STAB2: variants seen among roughly 807,000 people sequenced by gnomAD.
The protein encoded by STAB2 is stabilin 2, also known as stabilin-2.
Under a neutral mutation model 338.1 loss-of-function variants are expected in STAB2, and 288 were observed. The ratio of observed to expected loss-of-function variants is 0.85; its 90% confidence interval spans 0.77 to 0.94. STAB2 has a LOEUF of 0.94. Among genes scored for constraint, STAB2 ranks in the 40% least tolerant of loss-of-function variants. STAB2 has a pLI of 0.00. For missense variants in STAB2, 3,141 were observed against 3,210.1 expected, an observed-to-expected ratio of 0.98 and a Z score of 0.52; for synonymous variants, 1,202 against 1,193.3, an observed-to-expected ratio of 1.01 and a Z score of -0.15.
Position 103,590,983 on chromosome 12 carries a change from T to C in STAB2, c.168T>C (p.Asp56=), listed in dbSNP as rs1381317602. 3 of 1,614,142 alleles carry C rather than the reference T, an allele frequency of 1.9e-6. No homozygotes were observed. Among genetic ancestry groups the C allele is most frequent in the East Asian group, 2.2e-5 (1 of 44,874 alleles). The change falls in exon 2 of 69, where the codon GAT becomes GAC. Residue 56 remains aspartate (D), a synonymous_variant. Coordinates refer to ENST00000388887, the MANE Select transcript of STAB2 (RefSeq NM_017564.10). ...TCAACCTTGGAGTCAAGTGCCCGGA[T>C]GGTTACACCATGATTACCAGTGGCT... is the stretch of plus-strand genomic sequence containing the variant. ...CALNLGVKCP[D]GYTMITSGSV... is the part of the protein sequence containing the mutation.
Position 103,724,991 on chromosome 12 carries a change from G to T in STAB2, c.4700G>T (p.Ser1567Ile), listed in dbSNP as rs1487935915. ...TTTTACCAGAAAAATGGCGGCTGTAGTGAATTTGCCATCTGCAACCACACT... is the reference window on the plus strand; with the variant it reads ...TTTTACCAGAAAAATGGCGGCTGTATTGAATTTGCCATCTGCAACCACACT... ...NVCLTKNGGCSEFAICNHTGQ... is the reference protein window; with the variant it reads ...NVCLTKNGGCIEFAICNHTGQ... Residue 1567 changes from serine (S) to isoleucine (I), a missense_variant, in exon 45 of 69, where the codon AGT becomes ATT. Physicochemically the swap from Ser to Ile is moderately radical, Grantham distance 142 (BLOSUM62 -2). Transcript: ENST00000388887. 6.2e-7 allele frequency: 1 copy of T among 1,613,946 alleles called. No homozygotes were observed. Among genetic ancestry groups the T allele is most frequent in the Non-Finnish European group, 8.5e-7 (1 of 1,179,812 alleles).
intron 50 of STAB2, among the ~76,000 whole-genome samples, chr12:103,732,357 A>G (rs17034436): frequency 6.6e-6 from 1 of 151,998 alleles, no homozygotes; most frequent in Non-Finnish European, 1.5e-5. Flanking sequence ...GTTCCCATGA[A>G]TTGAGTAGAA....
chr12:103,684,966 T>C (rs368134230), intron 26 of STAB2, 23 bp from the exon 27 acceptor site: 6 of 1,610,808 alleles, frequency 3.7e-6, no homozygotes, highest in African/African-American at 1.3e-5. Flanking sequence ...GGGTAACCAT[T>C]TCTTTCATCT....
chr12:103,726,161 CA>C lies in STAB2; in HGVS notation c.4850del (p.Gln1617ArgfsTer5). On this transcript the variant is annotated frameshift_variant and splice_region_variant, in exon 46 of 69. Transcript: ENST00000388887. LOFTEE classifies it high-confidence loss of function. ...PKTSQYFFQL[Q>X]EHFVKDLVGP... is the part of the protein sequence containing the mutation. ...AACTTCCCAGTATTTCTTCCAGTTG[CA>C]GGTAGGAAATATACATGTCTGTCTA... is the stretch of plus-strand genomic sequence containing the variant. The C allele has an allele frequency of 1.9e-6, 3 of 1,613,906 alleles. No individual in the cohort carries two copies. In the South Asian group the frequency reaches 3.3e-5, roughly 18 times the overall value.
intron 15 of STAB2, among the ~76,000 whole-genome samples, chr12:103,656,040 T>C (rs545751409): frequency 6.6e-6 from 1 of 152,328 alleles, no homozygotes; most frequent in Non-Finnish European, 1.5e-5. Flanking sequence ...CTTTCCTTTC[T>C]ATTGCTTTCA....
intron 18 of STAB2, among the ~76,000 whole-genome samples, chr12:103,664,395 C>T (rs936877215): frequency 6.6e-6 from 1 of 152,176 alleles, no homozygotes; most frequent in Non-Finnish European, 1.5e-5. Context: ...CTGCCCGCCT[C>T]GGCCTCCCAA....
chr12:103,715,590 A>G (rs1880244107), intron 42 of STAB2, among the ~76,000 whole-genome samples: 1 of 152,212 alleles, frequency 6.6e-6, no homozygotes, highest in South Asian at 2.1e-4. Flanking sequence ...CCAGTAGACA[A>G]TCCCTCTGCT....
At chr12:103,728,738 C>T in intron 47 of STAB2, 111 bp from the exon 48 acceptor site, 1 of 1,374,682 alleles carries the variant, frequency 7.3e-7, no homozygotes, top group Non-Finnish European at 1.0e-6. Flanking sequence ...TTCCCAGAGT[C>T]TGGGTGGGCC....
chr12:103,674,073 C>T lies in STAB2; in HGVS notation c.2538C>T (p.Ser846=), dbSNP rs1262431372. ...FCHIHATCEY[S]NGTASCICKA... is the part of the protein sequence containing the mutation. ...ACATCCACGCCACCTGTGAATACAGCAATGGGACAGCCAGGTAGGTCTGTG... is the reference window on the plus strand; with the variant it reads ...ACATCCACGCCACCTGTGAATACAGTAATGGGACAGCCAGGTAGGTCTGTG... Residue 846 remains serine, a synonymous_variant, in exon 23 of 69, where the codon AGC becomes AGT. Transcript: ENST00000388887. 1 of 1,610,590 alleles carries T rather than the reference C, an allele frequency of 6.2e-7. No individual in the cohort carries two copies. Among genetic ancestry groups the T allele is most frequent in the Non-Finnish European group, 8.5e-7 (1 of 1,177,224 alleles).
intron 3 of STAB2, among the ~76,000 whole-genome samples, chr12:103,616,801 C>T (rs989821779): frequency 6.6e-6 from 1 of 151,726 alleles, no homozygotes; most frequent in African/African-American, 2.4e-5. Context: ...AGAGGGGCCT[C>T]CTATAAAAAG....
At chr12:103,702,823 TCAAA>T (rs1368138435) in intron 34 of STAB2, among the ~76,000 whole-genome samples, 1 of 152,188 alleles carries the variant, frequency 6.6e-6, no homozygotes, top group Non-Finnish European at 1.5e-5. Context: ...GTGGTATTTT[TCAAA>T]CAAACATAAG....
chr12:103,714,323 T>C (rs1880128119), intron 42 of STAB2, among the ~76,000 whole-genome samples: 1 of 152,160 alleles, frequency 6.6e-6, no homozygotes, highest in Non-Finnish European at 1.5e-5. Context: ...TTTAACTGTT[T>C]AGTTAGAAAA....
intron 28 of STAB2, 50 bp from the exon 29 acceptor site, chr12:103,689,795 TG>T (rs766076385): frequency 9.4e-6 from 15 of 1,591,692 alleles, no homozygotes; most frequent in Non-Finnish European, 1.3e-5. Context: ...AAGGCAGCTC[TG>T]TTTGTCCCCT....
chr12:103,696,203 C>T (rs1024240341), intron 33 of STAB2, among the ~76,000 whole-genome samples: 2 of 152,044 alleles, frequency 1.3e-5, no homozygotes, highest in African/African-American at 2.4e-5. Flanking sequence ...GGTTCTAGCC[C>T]GAGTGATGAA....
At chr12:103,725,414 T>C (rs1881105115) in intron 45 of STAB2, among the ~76,000 whole-genome samples, 1 of 152,210 alleles carries the variant, frequency 6.6e-6, no homozygotes, top group South Asian at 2.1e-4. Context: ...AATTTTCCAA[T>C]CTGTAAAAGA....
intron 67 of STAB2, chr12:103,763,249 G>A (rs1002220821): frequency 1.8e-5 from 9 of 497,994 alleles, no homozygotes; most frequent in Non-Finnish European, 3.3e-5. Context: ...ACATCCTGGG[G>A]TATGGAAATG....
chr12:103,625,203 A>G (rs550128897), intron 5 of STAB2, among the ~76,000 whole-genome samples: 2 of 152,356 alleles, frequency 1.3e-5, no homozygotes, highest in Non-Finnish European at 2.9e-5. Flanking sequence ...CAAATTAGGA[A>G]GAAGACCCAT....
At chr12:103,706,230 C>T (rs2138980341) in intron 37 of STAB2, among the ~76,000 whole-genome samples, 1 of 152,180 alleles carries the variant, frequency 6.6e-6, no homozygotes, top group African/African-American at 2.4e-5. Context: ...GGTGATCTGG[C>T]CCTTAGGCTG....
chr12:103,591,926 T>C (rs1409848554), intron 2 of STAB2, among the ~76,000 whole-genome samples: 1 of 152,198 alleles, frequency 6.6e-6, no homozygotes, highest in Non-Finnish European at 1.5e-5. Flanking sequence ...ATGAGTTTGC[T>C]TTTAATTCCG....
Sources: gnomAD v4.1 joint callset for allele counts (sites outside exome capture counted in the v4.1 genomes callset) on GRCh38, gnomAD v4.1.1 for gene constraint, MANE v1.5 for transcripts, NCBI Gene and HGNC (gene_info 2026-07-23, HGNC 2026-07-21) for gene names.